CDK17: variants seen among roughly 807,000 people sequenced by gnomAD.
The protein encoded by CDK17 is cyclin-dependent kinase 17.
In CDK17, 24 loss-of-function variants were observed where a neutral mutation model predicts 77.6. The ratio of observed to expected loss-of-function variants is 0.31; its 90% CI spans 0.22 to 0.44. CDK17 has a LOEUF of 0.44. Among genes scored for constraint, CDK17 ranks in the 20% least tolerant of loss-of-function variants. CDK17 has a pLI of 1.00. For synonymous variants in CDK17, 203 were observed against 210.4 expected, an observed-to-expected ratio of 0.96 and a Z score of 0.30; for missense variants, 429 against 622.5, an observed-to-expected ratio of 0.69 and a Z score of 3.31.
At chr12:96,398,717 T>TGGCTGCCA (rs914607429) in intron 1 of CDK17, among the ~76,000 whole-genome samples, 2 of 152,222 alleles carry the variant, frequency 1.3e-5, no homozygotes, top group Admixed American at 1.3e-4. Context: ...ACTGAAGGTC[T>TGGCTGCCA]GGCTGCCAGG....
chr12:96,343,532 C>T (rs115472249), intron 1 of CDK17, among the ~76,000 whole-genome samples: 11 of 152,312 alleles, frequency 7.2e-5, no homozygotes, highest in East Asian at 1.9e-4. Context: ...GCAGGGGAGG[C>T]GCACCTGCAT....
chr12:96,341,182 A>G (rs1953116383), intron 1 of CDK17, among the ~76,000 whole-genome samples: 1 of 152,168 alleles, frequency 6.6e-6, no homozygotes, highest in Admixed American at 6.5e-5. Flanking sequence ...ATGAATATTA[A>G]GATAGATTAA....
At chr12:96,380,282 GGTT>G (rs1243811478) in intron 1 of CDK17, among the ~76,000 whole-genome samples, 7,664 of 116,168 alleles carry the variant, frequency 0.066, 286 homozygotes, top group Non-Finnish European at 0.078. Flanking sequence ...CTTTTTAGCT[GGTT>G]TTTTTTTTTT....
chr12:96,301,744 T>C (rs1326100503), intron 5 of CDK17, among the ~76,000 whole-genome samples: 11 of 152,022 alleles, frequency 7.2e-5, no homozygotes, highest in Admixed American at 7.2e-4. Context: ...ACTCTAGAGG[T>C]CTAAATACGC....
intron 1 of CDK17, among the ~76,000 whole-genome samples, chr12:96,385,580 T>C (rs989348540): frequency 2.0e-5 from 3 of 151,916 alleles, no homozygotes; most frequent in African/African-American, 7.3e-5. Context: ...CAACATGAAA[T>C]GGTTAAGCAT....
chr12:96,383,399 T>C (rs1261910006), intron 1 of CDK17, among the ~76,000 whole-genome samples: 1 of 62,434 alleles, frequency 1.6e-5, no homozygotes, highest in Non-Finnish European at 2.9e-5. Flanking sequence ...TTCACAAAAT[T>C]AGAAGAAAAA....
chr12:96,283,613 TTTG>T lies in CDK17; in HGVS notation c.1352_1354del (p.Thr451del), dbSNP rs2137062813. The stretch of plus-strand genomic sequence containing the variant: ...TAAGAACTGACTTACCTGAAGAAAT[TTTG>T]TTATCAACTCAATTCCTTCAGAGTC... On this transcript the variant is annotated inframe_deletion, in exon 14 of 17. Transcript: ENST00000261211. The T allele has an allele frequency of 6.3e-7, 1 of 1,599,258 alleles. No individual in the cohort carries two copies. The highest frequency in any genetic ancestry group is 8.6e-7 in the Non-Finnish European group (1 of 1,167,902).
At chr12:96,348,523 C>CAAAAAAAAAAAAAAAAAAA (rs35363324) in intron 1 of CDK17, among the ~76,000 whole-genome samples, 157 of 66,154 alleles carry the variant, frequency 2.4e-3, no homozygotes, top group African/African-American at 2.8e-3. Context: ...GACTCTGTCT[C>CAAAAAAAAAAAAAAAAAAA]AAAAAAAAAA....
At chr12:96,389,407 T>C (rs961710274) in intron 1 of CDK17, among the ~76,000 whole-genome samples, 1 of 152,180 alleles carries the variant, frequency 6.6e-6, no homozygotes, top group African/African-American at 2.4e-5. Context: ...TTGCAGATCT[T>C]TTCCAAAAAA....
chr12:96,300,495 C>G, intron 5 of CDK17, 135 bp from the exon 6 acceptor site: 1 of 558,856 alleles, frequency 1.8e-6, no homozygotes, highest in Non-Finnish European at 3.2e-6. Context: ...CTCGCGGGTT[C>G]AAGTGATTCT....
intron 13 of CDK17, among the ~76,000 whole-genome samples, chr12:96,284,028 CAG>C (rs1229069578): frequency 6.6e-6 from 1 of 152,182 alleles, no homozygotes; most frequent in East Asian, 1.9e-4. Flanking sequence ...TAGGTGAAAA[CAG>C]AGACAAGTGA....
At chr12:96,288,860 T>G (rs934171476) in intron 11 of CDK17, among the ~76,000 whole-genome samples, 14 of 152,216 alleles carry the variant, frequency 9.2e-5, no homozygotes, top group Admixed American at 7.2e-4. Flanking sequence ...CTCTTCTGAG[T>G]GTTCATTTAA....
chr12:96,306,130 C>T (rs933509000), intron 5 of CDK17, among the ~76,000 whole-genome samples: 5 of 152,072 alleles, frequency 3.3e-5, no homozygotes, highest in South Asian at 2.1e-4. Flanking sequence ...GGGATCTATG[C>T]GAGATTGATG....
chr12:96,384,315 T>C (rs1466089275), intron 1 of CDK17, among the ~76,000 whole-genome samples: 1 of 152,204 alleles, frequency 6.6e-6, no homozygotes, highest in East Asian at 1.9e-4. Context: ...GAATATAAGT[T>C]AAGTTAGGTT....
At chr12:96,371,319 C>T (rs1953689147) in intron 1 of CDK17, among the ~76,000 whole-genome samples, 1 of 152,172 alleles carries the variant, frequency 6.6e-6, no homozygotes, top group East Asian at 1.9e-4. Context: ...CACATGGTGA[C>T]ATATCATGAC....
At chr12:96,314,758 G>A (rs1189994180) in intron 3 of CDK17, among the ~76,000 whole-genome samples, 1 of 152,168 alleles carries the variant, frequency 6.6e-6, no homozygotes, top group Non-Finnish European at 1.5e-5. Flanking sequence ...TTTCCAGAAA[G>A]AAGCATGTTG....
At chr12:96,312,553 TAAG>T (rs1195678487) in intron 4 of CDK17, among the ~76,000 whole-genome samples, 3 of 152,004 alleles carry the variant, frequency 2.0e-5, no homozygotes, top group Non-Finnish European at 2.9e-5. Context: ...CTTAACTGAT[TAAG>T]AAGAATCCTT....
intron 13 of CDK17, 59 bp downstream of exon 13, chr12:96,285,984 T>C: frequency 1.2e-6 from 1 of 842,230 alleles, no homozygotes; most frequent in Admixed American, 1.8e-5. Context: ...TGGCTAATCC[T>C]TCAAAAGATT....
chr12:96,281,434 T>C (rs1952176852), intron 15 of CDK17, among the ~76,000 whole-genome samples: 1 of 152,242 alleles, frequency 6.6e-6, no homozygotes, highest in Non-Finnish European at 1.5e-5. Context: ...AGTGGCATGA[T>C]CTTGGCTCAC....
Sources: gnomAD v4.1 joint callset for allele counts (sites outside exome capture counted in the v4.1 genomes callset) on GRCh38, gnomAD v4.1.1 for gene constraint, MANE v1.5 for transcripts, NCBI Gene and HGNC (gene_info 2026-07-23, HGNC 2026-07-21) for gene names.